Variants in POFUT3 observed in about 807,000 individuals in gnomAD.
POFUT3 encodes protein O-fucosyltransferase 3, also known as GDP-fucose protein O-fucosyltransferase 3.
the POFUT3 span, among the ~76,000 whole-genome samples, chr8:33,456,496 T>G: frequency 6.6e-6 from 1 of 152,034 alleles, no homozygotes; most frequent in South Asian, 2.1e-4. Flanking sequence ...TAGCTGGGAT[T>G]ACAAACGCAG....
the POFUT3 span, among the ~76,000 whole-genome samples, chr8:33,373,854 A>T: frequency 1.0e-3 from 152 of 152,318 alleles, 5 homozygotes; most frequent in South Asian, 0.026. Flanking sequence ...GAGTAACAAA[A>T]CATAGAAGAA....
the POFUT3 span, among the ~76,000 whole-genome samples, chr8:33,318,813 T>A: frequency 4.1e-5 from 2 of 48,940 alleles, no homozygotes; most frequent in Non-Finnish European, 5.9e-5. Flanking sequence ...TTTATATATA[T>A]TATATATATA....
chr8:33,426,409 T>C, the POFUT3 span, among the ~76,000 whole-genome samples: 3 of 152,146 alleles, frequency 2.0e-5, no homozygotes, highest in African/African-American at 7.2e-5. Flanking sequence ...CTTGTCTAAA[T>C]AGCTGGAGAG....
chr8:33,412,561 G>A, the POFUT3 span, among the ~76,000 whole-genome samples: 1 of 152,156 alleles, frequency 6.6e-6, no homozygotes, highest in African/African-American at 2.4e-5. Context: ...CTACTAGGAA[G>A]TACTCTTTAT....
chr8:33,428,196 C>G, the POFUT3 span, among the ~76,000 whole-genome samples: 1 of 152,188 alleles, frequency 6.6e-6, no homozygotes, highest in African/African-American at 2.4e-5. Flanking sequence ...ATACCTAAGA[C>G]TAAAAGACAT....
the POFUT3 span, among the ~76,000 whole-genome samples, chr8:33,405,462 A>G: frequency 6.6e-6 from 1 of 152,154 alleles, no homozygotes; most frequent in Admixed American, 6.5e-5. Flanking sequence ...AAGCTTAGCA[A>G]CACTTTGGCA....
chr8:33,380,078 C>CTA, the POFUT3 span, among the ~76,000 whole-genome samples: 3,985 of 47,796 alleles, frequency 0.083, 431 homozygotes, highest in East Asian at 0.23. Flanking sequence ...TATATATACA[C>CTA]TATATATACT....
the POFUT3 span, among the ~76,000 whole-genome samples, chr8:33,398,823 T>C: frequency 0.043 from 6,538 of 152,220 alleles, 474 homozygotes; most frequent in African/African-American, 0.15. Context: ...CTCTTGTAAA[T>C]TGAGTACAAA....
At chr8:33,368,414 G>A in the POFUT3 span, among the ~76,000 whole-genome samples, 2 of 152,158 alleles carry the variant, frequency 1.3e-5, no homozygotes, top group Non-Finnish European at 2.9e-5. Flanking sequence ...TATAGATGAG[G>A]CCACATTTTA....
the POFUT3 span, among the ~76,000 whole-genome samples, chr8:33,376,189 A>C: frequency 1.1e-4 from 16 of 152,030 alleles, no homozygotes; most frequent in African/African-American, 3.9e-4. Context: ...TGATTCTTCA[A>C]CCTATATGCA....
chr8:33,332,294 G>A, the POFUT3 span, among the ~76,000 whole-genome samples: 3 of 151,458 alleles, frequency 2.0e-5, no homozygotes, highest in East Asian at 5.9e-4. Context: ...GACCTGCCTG[G>A]CCAACATGGT....
the POFUT3 span, among the ~76,000 whole-genome samples, chr8:33,364,548 T>C: frequency 6.6e-6 from 1 of 152,308 alleles, no homozygotes; most frequent in East Asian, 1.9e-4. Context: ...AAAATCTCCT[T>C]AAGCTCATAA....
chr8:33,380,050 CACTA>C, the POFUT3 span, among the ~76,000 whole-genome samples: 70 of 48,714 alleles, frequency 1.4e-3, 4 homozygotes, highest in Non-Finnish European at 1.8e-3. Flanking sequence ...GATATATATA[CACTA>C]TATATATACA....
the POFUT3 span, among the ~76,000 whole-genome samples, chr8:33,335,365 T>C: frequency 3.3e-5 from 5 of 152,212 alleles, no homozygotes; most frequent in Non-Finnish European, 5.9e-5. Flanking sequence ...AAACAGACTA[T>C]GAATAAGTAC....
the POFUT3 span, among the ~76,000 whole-genome samples, chr8:33,404,233 G>C: frequency 6.6e-6 from 1 of 151,932 alleles, no homozygotes; most frequent in Non-Finnish European, 1.5e-5. Flanking sequence ...AGTTACTTGG[G>C]AGGCTGAGGC....
chr8:33,415,568 T>C, the POFUT3 span, among the ~76,000 whole-genome samples: 3 of 152,130 alleles, frequency 2.0e-5, no homozygotes, highest in Non-Finnish European at 4.4e-5. Flanking sequence ...CTGTGATCAA[T>C]ACACTCCCAG....
At chr8:33,381,611 G>A in the POFUT3 span, among the ~76,000 whole-genome samples, 1 of 152,184 alleles carries the variant, frequency 6.6e-6, no homozygotes, top group Non-Finnish European at 1.5e-5. Flanking sequence ...AGTACCAAAG[G>A]ATGTCTTATG....
chr8:33,322,146 C>T, the POFUT3 span, among the ~76,000 whole-genome samples: 5 of 152,080 alleles, frequency 3.3e-5, no homozygotes, highest in African/African-American at 4.8e-5. Context: ...TCTTGGTCTT[C>T]GTCTTTCCCT....
At chr8:33,335,151 A>ATCTGTGTGTGTG in the POFUT3 span, among the ~76,000 whole-genome samples, 1 of 145,774 alleles carries the variant, frequency 6.9e-6, no homozygotes, top group Non-Finnish European at 1.5e-5. Flanking sequence ...AAAGAAATAT[A>ATCTGTGTGTGTG]TGTGTGTGTG....
Sources: allele counts gnomAD v4.1 joint callset (sites outside exome capture counted in the v4.1 genomes callset), GRCh38; gene constraint gnomAD v4.1.1; transcripts MANE v1.5; gene names NCBI Gene and HGNC (gene_info 2026-07-23, HGNC 2026-07-21).